Variants in CTNND2 observed in about 807,000 individuals in gnomAD.
The protein encoded by CTNND2 is catenin delta-2.
CTNND2 carries 22 observed loss-of-function variants against 144.4 expected under a neutral mutation model. The observed-to-expected ratio is 0.15, with a 90% CI of 0.11 to 0.22. The LOEUF is 0.22. CTNND2 is among the 10% of genes least tolerant of loss of function. The pLI, the probability that CTNND2 is intolerant of heterozygous loss-of-function variation, is 1.00. For synonymous variants in CTNND2, 751 were observed against 695.6 expected (o/e 1.08, Z -1.25); for missense variants, 1,353 against 1,618.8 (o/e 0.84, Z 2.82).
At chr5:11,754,929 G>A (rs1163153043) in intron 1 of CTNND2, among the ~76,000 whole-genome samples, 1 of 151,596 alleles carries the variant, frequency 6.6e-6, no homozygotes, top group Non-Finnish European at 1.5e-5. Flanking sequence ...GGGCATTTAG[G>A]CCATTTACAT....
chr5:11,589,511 T>C (rs1443694334), intron 2 of CTNND2, among the ~76,000 whole-genome samples: 3 of 152,144 alleles, frequency 2.0e-5, no homozygotes, highest in Non-Finnish European at 4.4e-5. Flanking sequence ...TTTTTTGAAA[T>C]AGATTACAAT....
At chr5:11,146,401 T>A (rs1757249927) in intron 12 of CTNND2, among the ~76,000 whole-genome samples, 1 of 152,162 alleles carries the variant, frequency 6.6e-6, no homozygotes. Context: ...AAGCATTCCG[T>A]CCAGATTCAG....
At chr5:11,300,246 G>C (rs941567872) in intron 9 of CTNND2, among the ~76,000 whole-genome samples, 1 of 152,084 alleles carries the variant, frequency 6.6e-6, no homozygotes, top group Admixed American at 6.6e-5. Context: ...AGAGTGGCCT[G>C]GAGAAGGGAA....
chr5:11,582,177 A>G (rs1778488771), intron 2 of CTNND2, among the ~76,000 whole-genome samples: 1 of 152,226 alleles, frequency 6.6e-6, no homozygotes, highest in African/African-American at 2.4e-5. Context: ...ATGAGAGACA[A>G]TAAATTCCTA....
At chr5:11,690,689 T>C (rs1370687618) in intron 2 of CTNND2, among the ~76,000 whole-genome samples, 7 of 138,044 alleles carry the variant, frequency 5.1e-5, no homozygotes, top group African/African-American at 8.4e-5. Context: ...TGAGCCGAGA[T>C]TGCGCCACTG....
chr5:11,877,700 T>G (rs1735667888), intron 1 of CTNND2, among the ~76,000 whole-genome samples: 1 of 123,034 alleles, frequency 8.1e-6, no homozygotes, highest in Admixed American at 9.4e-5. Context: ...TCAATAATGA[T>G]AGTTGTCGAC....
chr5:11,437,156 G>A (rs899818118), intron 3 of CTNND2, among the ~76,000 whole-genome samples: 1 of 152,180 alleles, frequency 6.6e-6, no homozygotes, highest in African/African-American at 2.4e-5. Flanking sequence ...TTAAGACTGA[G>A]TCAATTAGGT....
intron 3 of CTNND2, among the ~76,000 whole-genome samples, chr5:11,462,094 G>A: frequency 6.6e-6 from 1 of 152,004 alleles, no homozygotes; most frequent in Non-Finnish European, 1.5e-5. Flanking sequence ...CCTGAGATTT[G>A]GTCTCAGTGC....
At chr5:10,993,974 T>C (rs1377380165) in intron 18 of CTNND2, among the ~76,000 whole-genome samples, 1 of 151,510 alleles carries the variant, frequency 6.6e-6, no homozygotes, top group East Asian at 2.0e-4. Context: ...CAATGTAAAG[T>C]GGGAACAGGG....
At position 11,335,743 on chromosome 5, in the gene CTNND2, A is replaced by C. The variant is rs138131784; in HGVS notation, c.1628+10629T>G. Among the ~76,000 whole-genome samples the C allele has an allele frequency of 3.1e-3, 465 of 152,248 alleles. 2 individuals carry two copies. Among genetic ancestry groups the C allele is most frequent in the African/African-American group, 0.011 (439 of 41,534 alleles). On this transcript the variant is annotated intron_variant, in intron 9 of 21. Coordinates refer to ENST00000304623, the MANE Select transcript of CTNND2 (RefSeq NM_001332.4). ...CACACCTAAGTAACAAAAGGACCAG[A>C]GCCTACTCCCTTTGCAAATTCCCAC...
chr5:11,530,399 G>T (rs1296734166), intron 3 of CTNND2, among the ~76,000 whole-genome samples: 1 of 152,120 alleles, frequency 6.6e-6, no homozygotes, highest in Non-Finnish European at 1.5e-5. Context: ...AATGCAAAAG[G>T]TCTCATGGCC....
intron 2 of CTNND2, among the ~76,000 whole-genome samples, chr5:11,575,960 C>T (rs1242300396): frequency 2.0e-5 from 3 of 152,124 alleles, no homozygotes; most frequent in Non-Finnish European, 4.4e-5. Flanking sequence ...GGTTCACATC[C>T]AAAACCAAAA....
intron 9 of CTNND2, among the ~76,000 whole-genome samples, chr5:11,338,492 T>C (rs780898278): frequency 6.6e-6 from 1 of 152,168 alleles, no homozygotes; most frequent in Non-Finnish European, 1.5e-5. Context: ...GAGGAAGGTC[T>C]GTATACGAGA....
intron 11 of CTNND2, among the ~76,000 whole-genome samples, chr5:11,169,149 C>T (rs1456842756): frequency 3.9e-5 from 6 of 152,190 alleles, no homozygotes; most frequent in Admixed American, 3.9e-4. Context: ...GCCCAATCCC[C>T]ATGGTTCCCC....
intron 2 of CTNND2, among the ~76,000 whole-genome samples, chr5:11,641,707 C>T (rs1420883587): frequency 7.4e-5 from 9 of 121,608 alleles, no homozygotes; most frequent in African/African-American, 1.0e-4. Flanking sequence ...TATACATATA[C>T]GTGTGTGTAT....
intron 18 of CTNND2, among the ~76,000 whole-genome samples, chr5:11,010,528 G>T (rs796312363): frequency 1.2e-4 from 19 of 152,304 alleles, no homozygotes; most frequent in African/African-American, 4.6e-4. Context: ...TGTTAAACAT[G>T]AGAACATGAC....
intron 3 of CTNND2, among the ~76,000 whole-genome samples, chr5:11,558,466 A>C (rs1776422431): frequency 6.6e-6 from 1 of 152,038 alleles, no homozygotes; most frequent in Non-Finnish European, 1.5e-5. Flanking sequence ...CTCCGACTCA[A>C]GTGATCTTCC....
intron 2 of CTNND2, among the ~76,000 whole-genome samples, chr5:11,636,502 A>C (rs1781710198): frequency 6.6e-6 from 1 of 152,260 alleles, no homozygotes; most frequent in Admixed American, 6.5e-5. Flanking sequence ...GAAGTCATCC[A>C]AACGGCTAAT....
chr5:11,503,623 C>A (rs899208890), intron 3 of CTNND2, among the ~76,000 whole-genome samples: 15 of 152,202 alleles, frequency 9.9e-5, no homozygotes, highest in Admixed American at 3.3e-4. Context: ...TTTATTACCA[C>A]TGCCTAAGGA....
Sources: allele counts gnomAD v4.1 joint callset (sites outside exome capture counted in the v4.1 genomes callset), GRCh38; gene constraint gnomAD v4.1.1; transcripts MANE v1.5; gene names NCBI Gene and HGNC (gene_info 2026-07-23, HGNC 2026-07-21).